NTRK2: variants seen among roughly 807,000 people sequenced by gnomAD.
NTRK2 encodes BDNF/NT-3 growth factors receptor.
In NTRK2, 13 loss-of-function variants were observed where a neutral mutation model predicts 94.5. That is an observed-to-expected ratio of 0.14 (90% CI 0.09 to 0.22). NTRK2 has a LOEUF of 0.22. NTRK2 is among the 10% of genes least tolerant of loss of function. The probability of loss-of-function intolerance (pLI) is 1.00; values close to 1 mark genes in which losing one functional copy is unlikely to be tolerated. For missense variants in NTRK2, 639 were observed against 1,071.2 expected (o/e 0.60, Z 5.63); for synonymous variants, 372 against 407.4 (o/e 0.91, Z 1.05).
In NTRK2 at chr9:85,026,014, A is replaced by C. The variant is rs894313823; in HGVS notation, c.*4577A>C. On this transcript the variant is annotated 3_prime_UTR_variant, in exon 19 of 19. Transcript: ENST00000277120. ...TGCTGCTCAAGTCAAAGGTTCTTGA[A>C]TATCCTTAGTTTTTGCATTTCCCCT... The C allele has an allele frequency of 9.1e-5, 21 of 231,772 alleles. No individual in the cohort carries two copies. Among genetic ancestry groups the C allele is most frequent in the African/African-American group, 4.6e-4 (21 of 45,236 alleles). 14.4% of individuals were successfully genotyped at this position (231,772 alleles called of 1,614,324 possible).
intron 12 of NTRK2, among the ~76,000 whole-genome samples, chr9:84,859,066 A>G (rs551675935): frequency 6.6e-6 from 1 of 152,184 alleles, no homozygotes; most frequent in South Asian, 2.1e-4. Flanking sequence ...AGGTGGAGGC[A>G]CTCAGTGAAC....
chr9:84,696,470 G>A (rs947908587), intron 2 of NTRK2, among the ~76,000 whole-genome samples: 24 of 152,196 alleles, frequency 1.6e-4, no homozygotes, highest in African/African-American at 5.5e-4. Flanking sequence ...TGCATGAGAA[G>A]TGAAGCTGTG....
rs532547169 is a variant in NTRK2, at chr9:84,672,196, C to G, written c.212+1236C>G. 5.3e-5 allele frequency among the ~76,000 whole-genome samples: 8 copies of G among 152,292 alleles called. No homozygotes were observed. In the South Asian group the frequency reaches 1.0e-3, roughly 20 times the overall value. On this transcript the variant is annotated intron_variant, in intron 2 of 18. Transcript: ENST00000277120. ...TGTAAGTAAGAGACCTTCCTAGTCTCTGTTGCCTGTTCTGCTGCTGATGCT... is the reference window on the plus strand; with the variant it reads ...TGTAAGTAAGAGACCTTCCTAGTCTGTGTTGCCTGTTCTGCTGCTGATGCT...
At chr9:84,789,423 C>T (rs972205335) in intron 12 of NTRK2, among the ~76,000 whole-genome samples, 1 of 152,206 alleles carries the variant, frequency 6.6e-6, no homozygotes, top group African/African-American at 2.4e-5. Flanking sequence ...GCAGAATGTG[C>T]TCTGCTGACC....
chr9:84,802,955 A>G (rs1478213911), intron 12 of NTRK2, among the ~76,000 whole-genome samples: 1 of 152,140 alleles, frequency 6.6e-6, no homozygotes, highest in East Asian at 1.9e-4. Flanking sequence ...TGCTGGGATA[A>G]GACACGATCA....
intron 8 of NTRK2, among the ~76,000 whole-genome samples, chr9:84,725,567 A>G (rs2062387541): frequency 6.6e-6 from 1 of 151,202 alleles, no homozygotes; most frequent in Non-Finnish European, 1.5e-5. Flanking sequence ...TGGTTGGTTC[A>G]TAGCACAGGT....
At chr9:84,765,380 T>C (rs2132713839) in intron 12 of NTRK2, among the ~76,000 whole-genome samples, 1 of 152,292 alleles carries the variant, frequency 6.6e-6, no homozygotes, top group Non-Finnish European at 1.5e-5. Context: ...AAGAGTATAA[T>C]GAGCCTAAAT....
At chr9:84,697,610 C>T (rs892016760) in intron 2 of NTRK2, among the ~76,000 whole-genome samples, 1 of 152,232 alleles carries the variant, frequency 6.6e-6, no homozygotes, top group African/African-American at 2.4e-5. Flanking sequence ...CTCTCTCCTT[C>T]CTAACCCTGT....
At chr9:85,019,722 T>A (rs1212358898) in intron 17 of NTRK2, among the ~76,000 whole-genome samples, 1 of 152,136 alleles carries the variant, frequency 6.6e-6, no homozygotes, top group Non-Finnish European at 1.5e-5. Context: ...CATCGCTGAG[T>A]GATGGTGGAG....
chr9:84,816,778 CAAAAAAA>C (rs61094948), intron 12 of NTRK2, among the ~76,000 whole-genome samples: 5 of 82,650 alleles, frequency 6.0e-5, no homozygotes, highest in Admixed American at 1.4e-4. Context: ...GACTCCATCT[CAAAAAAA>C]AAAAAAAAAA....
chr9:84,697,649 A>G (rs1293361739), intron 2 of NTRK2, among the ~76,000 whole-genome samples: 1 of 152,198 alleles, frequency 6.6e-6, no homozygotes, highest in Admixed American at 6.5e-5. Flanking sequence ...CCTGAGGCAG[A>G]GAGCAGGAGA....
chr9:84,701,496 C>T (rs1363498701), intron 2 of NTRK2, among the ~76,000 whole-genome samples: 1 of 152,116 alleles, frequency 6.6e-6, no homozygotes, highest in Non-Finnish European at 1.5e-5. Context: ...ATGGAGTTTT[C>T]TCTCTATTCA....
At chr9:84,946,332 A>G (rs944829254) in intron 15 of NTRK2, among the ~76,000 whole-genome samples, 5 of 152,226 alleles carry the variant, frequency 3.3e-5, no homozygotes, top group African/African-American at 1.2e-4. Context: ...GTCAGTGTTT[A>G]GTTCTCGTGG....
intron 14 of NTRK2, chr9:84,875,986 C>T: frequency 9.7e-7 from 1 of 1,035,590 alleles, no homozygotes; most frequent in Non-Finnish European, 1.2e-6. Flanking sequence ...GGGGGGAATC[C>T]CAGAAAGAAA....
At chr9:84,769,040 A>G (rs956421052) in intron 12 of NTRK2, among the ~76,000 whole-genome samples, 6 of 152,100 alleles carry the variant, frequency 3.9e-5, no homozygotes, top group African/African-American at 1.4e-4. Flanking sequence ...TGGAAGTCCA[A>G]AAGTCAGGCC....
chr9:85,025,605 A>G lies in NTRK2; in HGVS notation c.*4168A>G, dbSNP rs1832994854. The G allele has an allele frequency of 4.3e-6, 1 of 233,164 alleles. No individual in the cohort carries two copies. The highest frequency in any genetic ancestry group is 2.2e-5 in the African/African-American group (1 of 45,356). The allele number at this position is 233,164 out of a possible 1,614,324, so 14.4% of individuals were successfully genotyped here. On this transcript the variant is annotated 3_prime_UTR_variant, in exon 19 of 19. Coordinates refer to ENST00000277120, the MANE Select transcript of NTRK2 (RefSeq NM_006180.6). ...CTTTTCACAAATTGGACTGCCTGTA[A>G]TACCAATAACATTGTTGTATCTAAC...
chr9:84,789,538 G>A (rs2068506321), intron 12 of NTRK2, among the ~76,000 whole-genome samples: 11 of 152,196 alleles, frequency 7.2e-5, no homozygotes, highest in Admixed American at 7.2e-4. Context: ...CTGGAAAGGG[G>A]AGTCCAAGGC....
chr9:85,013,718 G>C (rs908143042), intron 17 of NTRK2, among the ~76,000 whole-genome samples: 1 of 152,246 alleles, frequency 6.6e-6, no homozygotes, highest in Non-Finnish European at 1.5e-5. Context: ...ATGGAGCGTA[G>C]GGTGTGATGA....
At chr9:84,829,142 G>T (rs2073373924) in intron 12 of NTRK2, among the ~76,000 whole-genome samples, 1 of 152,066 alleles carries the variant, frequency 6.6e-6, no homozygotes. Context: ...GGGATTACAG[G>T]CGGGTGCCAC....
Sources: gnomAD v4.1 joint callset for allele counts (sites outside exome capture counted in the v4.1 genomes callset) on GRCh38, gnomAD v4.1.1 for gene constraint, MANE v1.5 for transcripts, NCBI Gene and HGNC (gene_info 2026-07-23, HGNC 2026-07-21) for gene names.